The following FAM83G variants were observed in gnomAD, a reference collection of about 807,000 sequenced individuals.
FAM83G encodes the protein scaffolding CK1 anchoring protein G, also known as protein FAM83G.
A neutral mutation model predicts 61.5 loss-of-function variants in FAM83G; 38 were observed. The observed-to-expected ratio is 0.62, with a 90% CI of 0.48 to 0.81. The LOEUF is 0.81. Ranked by LOEUF, FAM83G falls within the 30% of genes least tolerant of loss-of-function variation. The pLI is 0.00. For missense variants in FAM83G, 989 were observed against 1,133.6 expected (o/e 0.87, Z 1.83); for synonymous variants, 470 against 476.1 (o/e 0.99, Z 0.17).
rs766717165 is a variant in FAM83G at position 18,977,645 on chromosome 17, C to G, written c.2021G>C (p.Arg674Thr). 2 of 1,609,962 alleles carry G rather than the reference C, an allele frequency of 1.2e-6. No individual in the cohort carries two copies. The highest frequency in any genetic ancestry group is 4.5e-5 in the East Asian group (2 of 44,880). The part of the protein sequence containing the change: ...GGSPWAQSRG[R>T]EEADALKRMQ... ...CCTCTTCAACGCATCTGCTTCTTCT[C>G]TTCCCCGACTCTGGGCCCATGGGGA... The change falls in exon 5 of 6, where the codon AGA (arginine) becomes ACA (threonine). Residue 674 changes from arginine to threonine, a missense_variant. Physicochemically the swap from Arg to Thr is moderately conservative, Grantham distance 71. Around this residue, in one of 3 missense-constraint regions of FAM83G, gnomAD observed 574 missense variants for 645.1 expected, o/e 0.89. Transcript: ENST00000388995.
rs549615972 is a variant in FAM83G, at chr17:18,971,871, C to G, written c.2083-123G>C. On this transcript the variant is annotated intron_variant, in intron 5 of 5. Transcript: ENST00000388995. The surrounding 1 kb of genome is among the most constrained non-coding windows in gnomAD (Gnocchi z 5.5). ...GTTCGCCTCCTGGCTCTGCCATTCACCAGGGAGTGGGCCTAGACCAGTTGG... is the reference window on the plus strand; with the variant it reads ...GTTCGCCTCCTGGCTCTGCCATTCAGCAGGGAGTGGGCCTAGACCAGTTGG... 3.6e-5 allele frequency: 38 copies of G among 1,050,852 alleles called. No individual in the cohort carries two copies. In the East Asian group the frequency reaches 9.0e-4, roughly 25 times the overall value. The allele number at this position is 1,050,852 out of a possible 1,614,324, so 65.1% of individuals were successfully genotyped here. A position where few individuals can be genotyped will look rare whatever the true frequency, so the allele number is the denominator to read the frequency against.
At chr17:18,982,639 G>A (rs186532604) in intron 3 of FAM83G, among the ~76,000 whole-genome samples, 1 of 152,192 alleles carries the variant, frequency 6.6e-6, no homozygotes, top group Admixed American at 6.5e-5. Flanking sequence ...GCAAGGCAAG[G>A]TGGGGGCTCC....
In FAM83G at chr17:19,003,411, C is replaced by G. The variant is rs531881852; in HGVS notation, c.522+109G>C. Reference sequence around the variant, plus strand: ...GGCAGCCAGGGAAAACAGCAGAGATCCCTAGAAGCCCATGTTGGGCTCCCG... The same window carrying G: ...GGCAGCCAGGGAAAACAGCAGAGATGCCTAGAAGCCCATGTTGGGCTCCCG... On this transcript the variant is annotated intron_variant, in intron 2 of 5. Transcript: ENST00000388995. The surrounding 1 kb of genome is among the most constrained non-coding windows in gnomAD (Gnocchi z 4.5). The G allele has an allele frequency of 2.3e-4, 277 of 1,199,204 alleles. 1 individual carries two copies. The highest frequency in any genetic ancestry group is 1.5e-3 in the Admixed American group (45 of 29,040). 74.3% of individuals were successfully genotyped at this position (1,199,204 alleles called of 1,614,324 possible).
In FAM83G at chr17:18,971,737, A is replaced by C. The variant is rs756918610; in HGVS notation, c.2094T>G (p.Phe698Leu). The C allele has an allele frequency of 1.3e-6, 2 of 1,568,102 alleles. No homozygotes were observed. The highest frequency in any genetic ancestry group is 1.4e-5 in the African/African-American group (1 of 73,750). ...STDKEAQGQQ[F>L]HHHRVPASGT... ...CTGAGGCAGGGACCCTGTGATGATGAAACTGCTGGCCCTGGGAGAGAGAGA... is the reference window on the plus strand; with the variant it reads ...CTGAGGCAGGGACCCTGTGATGATGCAACTGCTGGCCCTGGGAGAGAGAGA... Residue 698 changes from phenylalanine (F) to leucine (L), a missense_variant, in exon 6 of 6, where the codon TTT (phenylalanine) becomes TTG (leucine). Phe to Leu is a conservative substitution (Grantham distance 22, BLOSUM62 0). This residue lies in a region of FAM83G where 574 missense variants were observed against 645.1 expected (regional missense o/e 0.89). Coordinates refer to ENST00000388995, the MANE Select transcript of FAM83G (RefSeq NM_001039999.3). This position sits in a 1 kb window ranked among gnomAD's most constrained non-coding sequence, Gnocchi z 5.5.
Position 19,000,255 on chromosome 17 carries a change from G to C in FAM83G, c.522+3265C>G, listed in dbSNP as rs1238061747. On this transcript the variant is annotated intron_variant, in intron 2 of 5. Transcript: ENST00000388995. This position sits in a 1 kb window ranked among gnomAD's most constrained non-coding sequence, Gnocchi z 5.2. ...GGCTGGAGGGCACAAGCTGCTGAGAGTGAGACCTGGGACCCACCCGCCTCT... is the reference window on the plus strand; with the variant it reads ...GGCTGGAGGGCACAAGCTGCTGAGACTGAGACCTGGGACCCACCCGCCTCT... Among the ~76,000 whole-genome samples the C allele has an allele frequency of 1.3e-5, 2 of 152,194 alleles. No individual in the cohort carries two copies. The highest frequency in any genetic ancestry group is 4.8e-5 in the African/African-American group (2 of 41,440).
intron 3 of FAM83G, among the ~76,000 whole-genome samples, chr17:18,982,218 G>A (rs996253940): frequency 7.2e-5 from 11 of 152,320 alleles, no homozygotes; most frequent in Admixed American, 5.9e-4. Context: ...TTAGCACACA[G>A]CAGGGCGGGC....
chr17:18,970,496 A>G lies in FAM83G; in HGVS notation c.*863T>C, dbSNP rs1236331131. 2 of 168,066 alleles carry G rather than the reference A, an allele frequency of 1.2e-5. No individual in the cohort carries two copies. The highest frequency in any genetic ancestry group is 4.8e-5 in the African/African-American group (2 of 41,668). The allele number at this position is 168,066 out of a possible 1,614,324, so 10.4% of individuals were successfully genotyped here. ...TCTATATGGTCTTGGTGGAGGCCCC[A>G]TCCCTCTCTGGACCTGTCTCCCTCT... On this transcript the variant is annotated 3_prime_UTR_variant, in exon 6 of 6. Coordinates refer to ENST00000388995, the MANE Select transcript of FAM83G (RefSeq NM_001039999.3).
intron 2 of FAM83G, among the ~76,000 whole-genome samples, chr17:18,994,449 G>A (rs1215869575): frequency 6.6e-6 from 1 of 152,210 alleles, no homozygotes; most frequent in Non-Finnish European, 1.5e-5. Flanking sequence ...GCTGCACAGA[G>A]TGAACTCCAG....
In FAM83G at chr17:18,971,198, TGGTACTGGTGCACCGACCA is replaced by T; in HGVS notation, c.*142_*160del. On this transcript the variant is annotated 3_prime_UTR_variant, in exon 6 of 6. Transcript: ENST00000388995. This position sits in a 1 kb window ranked among gnomAD's most constrained non-coding sequence, Gnocchi z 5.5. ...CTTTGGCCTGACCATCATGGCCACC[TGGTACTGGTGCACCGACCA>T]GGTGAGTGCCAACGTCTCCCGCCCA... The T allele has an allele frequency of 6.2e-7, 1 of 1,613,962 alleles. No individual in the cohort carries two copies. Among genetic ancestry groups the T allele is most frequent in the South Asian group, 1.1e-5 (1 of 91,090 alleles).
intron 5 of FAM83G, among the ~76,000 whole-genome samples, chr17:18,972,016 G>A (rs1002389720): frequency 2.0e-5 from 3 of 152,208 alleles, no homozygotes; most frequent in Non-Finnish European, 2.9e-5. Context: ...TTCCGACACA[G>A]GCCTGGGACG....
rs199864492 is a variant in FAM83G, at chr17:18,977,537, G to A, written c.2082+47C>T. The A allele has an allele frequency of 2.4e-4, 367 of 1,557,122 alleles. 6 individuals carry two copies. In the South Asian group the frequency reaches 4.0e-3, roughly 17 times the overall value. On this transcript the variant is annotated intron_variant, in intron 5 of 5. Coordinates refer to ENST00000388995, the MANE Select transcript of FAM83G (RefSeq NM_001039999.3). ...CAACAGCTCGAGCTCTTGGGTGGCT[G>A]GCAGGGAGGGACTCGTGACCCCTGG...
Position 19,000,047 on chromosome 17 carries a change from G to A in FAM83G, c.522+3473C>T, listed in dbSNP as rs2043689894. On this transcript the variant is annotated intron_variant, in intron 2 of 5. Coordinates refer to ENST00000388995, the MANE Select transcript of FAM83G (RefSeq NM_001039999.3). The surrounding 1 kb of genome is among the most constrained non-coding windows in gnomAD (Gnocchi z 5.2). The stretch of plus-strand genomic sequence containing the variant: ...CCAGCCCAGCCTCACGCCTTCTCAG[G>A]CTGCAGCCAAGTGAGGCCGGGGCTC... Among the ~76,000 whole-genome samples the A allele has an allele frequency of 6.6e-6, 1 of 152,248 alleles. No individual in the cohort carries two copies. Among genetic ancestry groups the A allele is most frequent in the South Asian group, 2.1e-4 (1 of 4,836 alleles).
At chr17:18,989,190 C>G (rs1291878017) in intron 2 of FAM83G, among the ~76,000 whole-genome samples, 3 of 140,678 alleles carry the variant, frequency 2.1e-5, no homozygotes, top group African/African-American at 7.7e-5. Context: ...CCGAGCCTGG[C>G]ACCACCATCC....
chr17:18,978,364 G>C lies in FAM83G; in HGVS notation c.1302C>G (p.Pro434=), dbSNP rs904182035. 33 of 1,596,556 alleles carry C rather than the reference G, an allele frequency of 2.1e-5. No individual in the cohort carries two copies. The East Asian group carries it at 7.2e-4, about 35-fold the overall frequency. The change falls in exon 5 of 6, where the codon CCC becomes CCG. Residue 434 remains proline, a synonymous_variant. Coordinates refer to ENST00000388995, the MANE Select transcript of FAM83G (RefSeq NM_001039999.3). ...DILGYINIID[P]NIWNPQPSQM... ...GGCTGGGCTGGGGGTTCCAGATGTTGGGGTCGATGATATTGATGTAGCCCA... is the reference window on the plus strand; with the variant it reads ...GGCTGGGCTGGGGGTTCCAGATGTTCGGGTCGATGATATTGATGTAGCCCA...
Position 18,978,771 on chromosome 17 carries a change from G to A in FAM83G, c.895C>T (p.Gln299Ter), listed in dbSNP as rs1419427527. The part of the protein sequence containing the change: ...SGQVVEMFDR[Q>*]FQELYLMSHS... ...GACATGAGGTACAGCTCCTGGAACT[G>A]CCGGTCAAACATCTCCACCACCTGG... The change falls in exon 5 of 6, where the codon CAG (glutamine) becomes TAG (stop). Residue 299 changes from glutamine (Q) to a stop codon, truncating the protein, a stop_gained. Transcript: ENST00000388995. LOFTEE classifies it high-confidence loss of function. 1 of 1,612,984 alleles carries A rather than the reference G, an allele frequency of 6.2e-7. No homozygotes were observed. The highest frequency in any genetic ancestry group is 8.5e-7 in the Non-Finnish European group (1 of 1,180,010).
chr17:18,984,426 C>T (rs1195408618), intron 3 of FAM83G, among the ~76,000 whole-genome samples: 1 of 152,066 alleles, frequency 6.6e-6, no homozygotes, highest in Non-Finnish European at 1.5e-5. Flanking sequence ...AACACCCAGG[C>T]ATCCCCGGGG....
rs1375511668 is a variant in FAM83G at position 19,003,579 on chromosome 17, TG to T, written c.462del (p.Ile155Ter). The T allele has an allele frequency of 1.9e-6, 3 of 1,597,144 alleles. No homozygotes were observed. The highest frequency in any genetic ancestry group is 2.6e-6 in the Non-Finnish European group (3 of 1,171,704). ...VTRASVYMQPPIDGQAHIKEV... is the reference protein window; with the variant it reads ...VTRASVYMQPXIDGQAHIKEV... The stretch of plus-strand genomic sequence containing the variant: ...TCTTTGATGTGGGCCTGCCCGTCTA[TG>T]GGGGGCTGCATGTAGACGCTAGCCC... On this transcript the variant is annotated frameshift_variant, in exon 2 of 6. Transcript: ENST00000388995. LOFTEE classifies it high-confidence loss of function. The surrounding 1 kb of genome is among the most constrained non-coding windows in gnomAD (Gnocchi z 4.5).
intron 2 of FAM83G, among the ~76,000 whole-genome samples, chr17:18,990,122 G>A (rs1392073520): frequency 6.6e-6 from 1 of 152,208 alleles, no homozygotes; most frequent in African/African-American, 2.4e-5. Context: ...TCGCAGGGGA[G>A]GCAGATGTTG....
chr17:18,973,322 G>A (rs2152004020), intron 5 of FAM83G, among the ~76,000 whole-genome samples: 1 of 152,314 alleles, frequency 6.6e-6, no homozygotes, highest in Admixed American at 6.5e-5. Context: ...GGTCAGGGTT[G>A]GGCAGGCCCC....
Sources: allele counts gnomAD v4.1 joint callset (sites outside exome capture counted in the v4.1 genomes callset), GRCh38; gene constraint gnomAD v4.1.1; regional missense constraint gnomAD v4.1.1; non-coding constraint Gnocchi (gnomAD v3.1); transcripts MANE v1.5; gene names NCBI Gene and HGNC (gene_info 2026-07-23, HGNC 2026-07-21).